The following DNMT1 variants were observed in gnomAD, a reference collection of about 807,000 sequenced individuals.
DNMT1 encodes the protein DNA methyltransferase 1.
Under a neutral mutation model 205.3 loss-of-function variants are expected in DNMT1, and 24 were observed. That is an observed-to-expected ratio of 0.12 (90% CI 0.08 to 0.16). The LOEUF (loss-of-function observed/expected upper bound fraction) is 0.16. DNMT1 is among the 10% of genes least tolerant of loss of function. The pLI is 1.00. For synonymous variants in DNMT1, 817 were observed against 839.8 expected, an observed-to-expected ratio of 0.97 and a Z score of 0.47; for missense variants, 1,293 against 2,177.7, an observed-to-expected ratio of 0.59 and a Z score of 8.09.
intron 1 of DNMT1, among the ~76,000 whole-genome samples, chr19:10,188,715 A>G (rs2039242063): frequency 6.6e-6 from 1 of 152,304 alleles, no homozygotes; most frequent in South Asian, 2.1e-4. Flanking sequence ...AGCCCTTAAG[A>G]ACACAGAACC....
Position 10,183,024 on chromosome 19 carries a change from T to C in DNMT1, c.81-947A>G, listed in dbSNP as rs149389102. On this transcript the variant is annotated intron_variant, in intron 1 of 40. Coordinates refer to ENST00000359526, the MANE Select transcript of DNMT1 (RefSeq NM_001130823.3). ...ATATGTGTGTATATATACATATATATGTGTATATATACGTATATATGTGTA... is the reference window on the plus strand; with the variant it reads ...ATATGTGTGTATATATACATATATACGTGTATATATACGTATATATGTGTA... Among the ~76,000 whole-genome samples, 15 of 149,036 alleles carry C rather than the reference T, an allele frequency of 1.0e-4. No individual in the cohort carries two copies. In the East Asian group the frequency reaches 2.9e-3, roughly 29 times the overall value.
At chr19:10,144,252 A>G in intron 28 of DNMT1, 1 of 430,318 alleles carries the variant, frequency 2.3e-6, no homozygotes, top group Non-Finnish European at 4.4e-6. Flanking sequence ...TACTAAAAAT[A>G]CAAAAATTAG....
rs1459435531 is a variant in DNMT1 at position 10,167,003 on chromosome 19, G to A, written c.804-318C>T. Among the ~76,000 whole-genome samples the A allele has an allele frequency of 2.6e-5, 4 of 152,172 alleles. No homozygotes were observed. In the East Asian group the frequency reaches 7.7e-4, roughly 29 times the overall value. ...GTGGAGGAAGACCCATGTCTGGCCTGCCTAGGTTGAGAGCTGGGCTGATGT... is the reference window on the plus strand; with the variant it reads ...GTGGAGGAAGACCCATGTCTGGCCTACCTAGGTTGAGAGCTGGGCTGATGT... On this transcript the variant is annotated intron_variant, in intron 10 of 40. Transcript: ENST00000359526.
Position 10,146,523 on chromosome 19 carries a change from A to C in DNMT1, c.2722T>G (p.Phe908Val). The C allele has an allele frequency of 6.2e-7, 1 of 1,614,032 alleles. No homozygotes were observed. The highest frequency in any genetic ancestry group is 8.5e-7 in the Non-Finnish European group (1 of 1,180,024). Residue 908 changes from phenylalanine (F) to valine (V), a missense_variant and splice_region_variant, in exon 28 of 41, where the codon TTC becomes GTC. Physicochemically the swap from Phe to Val is conservative, Grantham distance 50 (BLOSUM62 -1). Around this residue, in one of 13 missense-constraint regions of DNMT1, gnomAD observed 112 missense variants for 116.6 expected, o/e 0.96. Transcript: ENST00000359526. The surrounding 1 kb of genome is among the most constrained non-coding windows in gnomAD (Gnocchi z 4.4). The stretch of plus-strand genomic sequence containing the variant: ...GCCAGACGGGCACAGCTCACACAGA[A>C]TCTGAAGGAAACAAAGGGACAGAAA... The part of the protein sequence containing the change: ...TQPTEDNKFK[F>V]CVSCARLAEM...
intron 11 of DNMT1, among the ~76,000 whole-genome samples, chr19:10,165,170 C>G (rs1568242305): frequency 6.6e-6 from 1 of 151,974 alleles, no homozygotes; most frequent in Non-Finnish European, 1.5e-5. Flanking sequence ...ACTTGGGAGG[C>G]TGAGGCGGGA....
In DNMT1 at chr19:10,151,816, T is replaced by G. The variant is rs752235220; in HGVS notation, c.2051A>C (p.Lys684Thr). 6.2e-7 allele frequency: 1 copy of G among 1,614,124 alleles called. No homozygotes were observed. Among genetic ancestry groups the G allele is most frequent in the South Asian group, 1.1e-5 (1 of 91,080 alleles). Residue 684 changes from lysine (K) to threonine (T), a missense_variant, in exon 23 of 41, where the codon AAA becomes ACA. Physicochemically the swap from Lys to Thr is moderately conservative, Grantham distance 78. Coordinates refer to ENST00000359526, the MANE Select transcript of DNMT1 (RefSeq NM_001130823.3). The surrounding 1 kb of genome is among the most constrained non-coding windows in gnomAD (Gnocchi z 5.0). ...VCQQPECGKC[K>T]ACKDMVKFGG... ...AAATTTAACCATGTCCTTGCAGGCT[T>G]TACATTTCCCACACTCAGGCTGCTG...
intron 1 of DNMT1, among the ~76,000 whole-genome samples, chr19:10,192,445 G>A (rs1314625157): frequency 6.6e-6 from 1 of 151,982 alleles, no homozygotes; most frequent in African/African-American, 2.4e-5. Flanking sequence ...AGGTCATTGA[G>A]CCAGTGGAGG....
At chr19:10,171,127 A>C (rs902918895) in intron 9 of DNMT1, among the ~76,000 whole-genome samples, 9 of 152,240 alleles carry the variant, frequency 5.9e-5, no homozygotes, top group South Asian at 4.1e-4. Context: ...CTTATTAAAA[A>C]ACAAAACAAA....
chr19:10,154,938 G>A lies in DNMT1; in HGVS notation c.1611C>T (p.Asp537=), dbSNP rs759633059. The A allele has an allele frequency of 2.5e-6, 4 of 1,614,100 alleles. No homozygotes were observed. The African/African-American group carries it at 4.0e-5, about 16-fold the overall frequency. ...TGTTGATCAGGTCCTCATAGGTCGA[G>A]TCGGAATTGCTCTGCAGGAACTCCA... The part of the protein sequence containing the change: ...IVVEFLQSNS[D]STYEDLINKI... Residue 537 remains aspartate, a synonymous_variant, in exon 20 of 41, where the codon GAC becomes GAT. Coordinates refer to ENST00000359526, the MANE Select transcript of DNMT1 (RefSeq NM_001130823.3). The surrounding 1 kb of genome is among the most constrained non-coding windows in gnomAD (Gnocchi z 6.3).
intron 11 of DNMT1, among the ~76,000 whole-genome samples, 183 bp from the exon 12 acceptor site, chr19:10,163,543 T>C (rs146924840): frequency 3.9e-5 from 6 of 152,200 alleles, no homozygotes; most frequent in African/African-American, 1.4e-4. Context: ...TTCCCTCACT[T>C]AATTCCCCAC....
intron 28 of DNMT1, 61 bp from the exon 29 acceptor site, chr19:10,144,048 A>C (rs1032515017): frequency 2.8e-5 from 42 of 1,477,244 alleles, no homozygotes; most frequent in East Asian, 1.6e-4. Flanking sequence ...TCAGTCAGGC[A>C]TGACTGACCA....
chr19:10,142,046 G>A lies in DNMT1; in HGVS notation c.3291C>T (p.Asn1097=), dbSNP rs2089610386. 6.2e-7 allele frequency: 1 copy of A among 1,612,464 alleles called. No homozygotes were observed. The highest frequency in any genetic ancestry group is 1.7e-4 in the Middle Eastern group (1 of 6,040). ...GCACCACCTCGAGGAAGTAGAAGCGGTTGGGGCCGCCCATGGAGTACACCT... is the reference window on the plus strand; with the variant it reads ...GCACCACCTCGAGGAAGTAGAAGCGATTGGGGCCGCCCATGGAGTACACCT... ...CVQVYSMGGP[N]RFYFLEAYNA... The change falls in exon 30 of 41, where the codon AAC becomes AAT. Residue 1097 remains asparagine (N), a synonymous_variant. Coordinates refer to ENST00000359526, the MANE Select transcript of DNMT1 (RefSeq NM_001130823.3).
Position 10,177,283 on chromosome 19 carries a change from T to C in DNMT1, c.569+9A>G. The C allele has an allele frequency of 6.2e-7, 1 of 1,613,928 alleles. No homozygotes were observed. Among genetic ancestry groups the C allele is most frequent in the South Asian group, 1.1e-5 (1 of 91,070 alleles). On this transcript the variant is annotated intron_variant, in intron 6 of 40. Coordinates refer to ENST00000359526, the MANE Select transcript of DNMT1 (RefSeq NM_001130823.3). ...AAAAAAGGCAGCCGCCAATTTATCGTATACTGACCCCTTTGCAAAATGAGA... is the reference window on the plus strand; with the variant it reads ...AAAAAAGGCAGCCGCCAATTTATCGCATACTGACCCCTTTGCAAAATGAGA...
At chr19:10,145,354 C>T (rs1173144225) in intron 28 of DNMT1, among the ~76,000 whole-genome samples, 2 of 152,234 alleles carry the variant, frequency 1.3e-5, no homozygotes, top group Non-Finnish European at 2.9e-5. Flanking sequence ...CGCGCCCCAA[C>T]TGTGCCAAGG....
At chr19:10,194,793 G>C in intron 1 of DNMT1, 27 bp downstream of exon 1, 1 of 1,608,862 alleles carries the variant, frequency 6.2e-7, no homozygotes, top group South Asian at 1.1e-5. Flanking sequence ...GTCCCCCTGA[G>C]TCCGTGTTCC....
At chr19:10,181,001 G>A in intron 2 of DNMT1, 116 bp from the exon 3 acceptor site, 1 of 823,804 alleles carries the variant, frequency 1.2e-6, no homozygotes, top group Non-Finnish European at 2.1e-6. Context: ...GGCAGGCAAT[G>A]CTGTCTCAGT....
At chr19:10,149,341 ACAAAAAAAAAAC>A (rs2038284189) in intron 26 of DNMT1, 100 bp downstream of exon 26, 2 of 1,314,096 alleles carry the variant, frequency 1.5e-6, no homozygotes, top group African/African-American at 3.3e-5. Flanking sequence ...AAAAAAAAAA[ACAAAAAAAAAAC>A]CAAATTAAAA....
intron 17 of DNMT1, among the ~76,000 whole-genome samples, chr19:10,158,084 C>T (rs777717223): frequency 1.3e-5 from 2 of 152,212 alleles, no homozygotes; most frequent in African/African-American, 2.4e-5. Flanking sequence ...CCTCCAGGAA[C>T]GAATCTATGA....
intron 26 of DNMT1, 122 bp from the exon 27 acceptor site, chr19:10,149,139 C>T: frequency 1.5e-6 from 2 of 1,353,974 alleles, no homozygotes; most frequent in South Asian, 1.2e-5. Flanking sequence ...GCCTGGCCAA[C>T]ATGGTGAAAC....
Sources: allele counts gnomAD v4.1 joint callset (sites outside exome capture counted in the v4.1 genomes callset), GRCh38; gene constraint gnomAD v4.1.1; regional missense constraint gnomAD v4.1.1; non-coding constraint Gnocchi (gnomAD v3.1); transcripts MANE v1.5; gene names NCBI Gene and HGNC (gene_info 2026-07-23, HGNC 2026-07-21).